The following SLC22A15 variants were observed in gnomAD, a reference collection of about 807,000 sequenced individuals.
The protein encoded by SLC22A15 is solute carrier family 22 member 15.
In SLC22A15, 45 loss-of-function variants were observed where a neutral mutation model predicts 62.7. That is an observed-to-expected ratio of 0.72 (90% CI 0.56 to 0.92). The LOEUF (loss-of-function observed/expected upper bound fraction) is 0.92. Among genes scored for constraint, SLC22A15 ranks in the 40% least tolerant of loss-of-function variants. SLC22A15 has a pLI of 0.00. For synonymous variants in SLC22A15, 264 were observed against 267.0 expected (o/e 0.99, Z 0.11); for missense variants, 622 against 665.6 (o/e 0.93, Z 0.72).
At position 116,020,791 on chromosome 1, in the gene SLC22A15, T is replaced by A; in HGVS notation, c.504T>A (p.Thr168=). The A allele has an allele frequency of 6.2e-7, 1 of 1,613,958 alleles. No homozygotes were observed. The highest frequency in any genetic ancestry group is 1.1e-5 in the South Asian group (1 of 91,084). The stretch of plus-strand genomic sequence containing the variant: ...CCTCATATGAGTTCTTTGCAGTAAC[T>A]CGCTTCCTGGTGGGCATGATGAATG... ...FSPSYEFFAV[T]RFLVGMMNGG... Residue 168 remains threonine, a synonymous_variant, in exon 4 of 12, where the codon ACT becomes ACA. Transcript: ENST00000369503.
intron 2 of SLC22A15, among the ~76,000 whole-genome samples, chr1:116,001,359 A>G (rs182542880): frequency 6.6e-6 from 1 of 152,122 alleles, no homozygotes; most frequent in African/African-American, 2.4e-5. Context: ...CTTGTACTTT[A>G]CTATTGATAT....
rs929356219 is a variant in SLC22A15 at position 116,067,544 on chromosome 1, C to T, written c.*436C>T. 1 of 157,874 alleles carries T rather than the reference C, an allele frequency of 6.3e-6. No individual in the cohort carries two copies. Among genetic ancestry groups the T allele is most frequent in the African/African-American group, 2.4e-5 (1 of 41,484 alleles). The allele number at this position is 157,874 out of a possible 1,614,324, so 9.8% of individuals were successfully genotyped here. A position where few individuals can be genotyped will look rare whatever the true frequency, so the allele number is the denominator to read the frequency against. Reference sequence around the variant, plus strand: ...ATCCTTATACCATGTTGGACATTTGCCCCTATCAGTTGCTCCTCAGGAATC... The same window carrying T: ...ATCCTTATACCATGTTGGACATTTGTCCCTATCAGTTGCTCCTCAGGAATC... On this transcript the variant is annotated 3_prime_UTR_variant, in exon 12 of 12. Transcript: ENST00000369503.
chr1:116,026,954 C>A lies in SLC22A15; in HGVS notation c.660C>A (p.Phe220Leu), dbSNP rs957268780. 6.2e-7 allele frequency: 1 copy of A among 1,613,824 alleles called. No homozygotes were observed. Among genetic ancestry groups the A allele is most frequent in the Admixed American group, 1.7e-5 (1 of 60,028 alleles). ...GIAQYALLGY[F>L]IRSWRTLAIL... ...CCCAATATGCCCTGTTAGGATACTT[C>A]ATCCGCTCCTGGAGGACCCTAGCCA... Residue 220 changes from phenylalanine (F) to leucine (L), a missense_variant, in exon 5 of 12, where the codon TTC (phenylalanine) becomes TTA (leucine). By Grantham distance (22) the Phe-to-Leu change is conservative. Transcript: ENST00000369503.
rs534414240 is a variant in SLC22A15, at chr1:116,039,080, A to G, written c.1171+1692A>G. Among the ~76,000 whole-genome samples the G allele has an allele frequency of 2.0e-4, 30 of 152,264 alleles. No homozygotes were observed. In the East Asian group the frequency reaches 2.3e-3, roughly 12 times the overall value. The stretch of plus-strand genomic sequence containing the variant: ...GCAAGTACCACTCTATTTAATTACA[A>G]TCTGTTTTAAGAGAGCAGCTTGGAC... On this transcript the variant is annotated intron_variant, in intron 8 of 11. Coordinates refer to ENST00000369503, the MANE Select transcript of SLC22A15 (RefSeq NM_018420.3).
chr1:116,032,501 A>G, intron 6 of SLC22A15: 11 of 985,386 alleles, frequency 1.1e-5, no homozygotes, highest in Non-Finnish European at 1.2e-5. Flanking sequence ...AAGTGATCTT[A>G]TGTATAAAGC....
In SLC22A15 at chr1:115,976,723, C is replaced by G; in HGVS notation, c.87+9C>G. ...TGGCCGTGCTGCTGCAGGTAAGTCC[C>G]CGCGGCCCCGCAGCCGCATTTCCCT... is the stretch of plus-strand genomic sequence containing the variant. On this transcript the variant is annotated intron_variant, in intron 1 of 11. Transcript: ENST00000369503. The G allele has an allele frequency of 6.3e-7, 1 of 1,575,406 alleles. No homozygotes were observed. The highest frequency in any genetic ancestry group is 8.6e-7 in the Non-Finnish European group (1 of 1,162,428).
intron 8 of SLC22A15, among the ~76,000 whole-genome samples, chr1:116,060,103 C>T (rs1488122164): frequency 2.0e-5 from 3 of 152,210 alleles, no homozygotes. Context: ...ATCCAGGGAA[C>T]CAGTCTAACG....
Position 116,020,753 on chromosome 1 carries a change from A to G in SLC22A15, c.466A>G (p.Asn156Asp), listed in dbSNP as rs1656785876. The G allele has an allele frequency of 3.7e-6, 6 of 1,612,670 alleles. No homozygotes were observed. Among genetic ancestry groups the G allele is most frequent in the Non-Finnish European group, 5.1e-6 (6 of 1,179,232 alleles). Residue 156 changes from asparagine (N) to aspartate (D), a missense_variant, in exon 4 of 12, where the codon AAT (asparagine) becomes GAT (aspartate). Transcript: ENST00000369503. Reference protein sequence around the residue: ...FALDILFAIANGFSPSYEFFA... With the variant: ...FALDILFAIADGFSPSYEFFA... ...TCTTGACATCTTATTTGCAATTGCA[A>G]ATGGATTTTCCCCCTCATATGAGTT...
chr1:116,030,817 T>C (rs1421222250), intron 5 of SLC22A15, among the ~76,000 whole-genome samples: 1 of 152,196 alleles, frequency 6.6e-6, no homozygotes, highest in Non-Finnish European at 1.5e-5. Context: ...GGTTTCATCT[T>C]TATGTGTAGT....
Position 116,027,041 on chromosome 1 carries a change from T to A in SLC22A15, c.728+19T>A. On this transcript the variant is annotated intron_variant, in intron 5 of 11. Coordinates refer to ENST00000369503, the MANE Select transcript of SLC22A15 (RefSeq NM_018420.3). Reference sequence around the variant, plus strand: ...TATCTTTGTAAGTAGTTTTTCCTCTTAGAGTTTTAATTTAAAAAGCCAAAG... The same window carrying A: ...TATCTTTGTAAGTAGTTTTTCCTCTAAGAGTTTTAATTTAAAAAGCCAAAG... 1 of 1,610,914 alleles carries A rather than the reference T, an allele frequency of 6.2e-7. No homozygotes were observed. The highest frequency in any genetic ancestry group is 8.5e-7 in the Non-Finnish European group (1 of 1,178,328).
At chr1:116,014,049 A>G (rs1304261743) in intron 2 of SLC22A15, 1 of 152,230 alleles carries the variant, frequency 6.6e-6, no homozygotes, top group Non-Finnish European at 1.5e-5. Context: ...CCAGTACTTT[A>G]TCCCTTATCA....
At chr1:116,032,032 G>A in intron 6 of SLC22A15, 1 of 1,029,866 alleles carries the variant, frequency 9.7e-7, no homozygotes, top group East Asian at 9.3e-5. Context: ...ATTTTCTGTG[G>A]CACTCCCACT....
chr1:116,011,052 A>G (rs979730024), intron 2 of SLC22A15, among the ~76,000 whole-genome samples: 2 of 152,142 alleles, frequency 1.3e-5, no homozygotes, highest in Non-Finnish European at 2.9e-5. Context: ...CTCCTTTCAG[A>G]GAAGGCTGTG....
intron 2 of SLC22A15, among the ~76,000 whole-genome samples, chr1:116,009,074 G>A (rs1234596232): frequency 2.0e-5 from 3 of 152,122 alleles, no homozygotes; most frequent in African/African-American, 7.2e-5. Context: ...GAATTAAATA[G>A]AATGAACAAT....
chr1:116,064,346 A>G (rs1658447699), intron 9 of SLC22A15, 90 bp from the exon 10 acceptor site: 2 of 850,700 alleles, frequency 2.4e-6, no homozygotes, highest in East Asian at 2.5e-5. Flanking sequence ...CCACTTCAGG[A>G]CATGTTATTC....
intron 10 of SLC22A15, among the ~76,000 whole-genome samples, chr1:116,066,145 A>C (rs1658491487): frequency 6.6e-6 from 1 of 152,216 alleles, no homozygotes; most frequent in Non-Finnish European, 1.5e-5. Context: ...GCCTCTGTGC[A>C]AAGTGTGCTC....
chr1:116,055,849 TCAA>T (rs1658192480), intron 8 of SLC22A15, among the ~76,000 whole-genome samples: 1 of 147,350 alleles, frequency 6.8e-6, no homozygotes, highest in Non-Finnish European at 1.5e-5. Flanking sequence ...TTGACAAAAT[TCAA>T]CAACACTTCA....
chr1:116,040,313 A>T (rs963173737), intron 8 of SLC22A15, among the ~76,000 whole-genome samples: 5 of 152,158 alleles, frequency 3.3e-5, no homozygotes, highest in African/African-American at 9.7e-5. Context: ...GTGGCCACTA[A>T]TGTTTTTCCC....
At chr1:116,032,370 T>C in intron 6 of SLC22A15, 7 of 985,444 alleles carry the variant, frequency 7.1e-6, no homozygotes, top group Non-Finnish European at 8.4e-6. Flanking sequence ...AAGTGTTATC[T>C]GGGCAAAATC....
Sources: allele counts gnomAD v4.1 joint callset (sites outside exome capture counted in the v4.1 genomes callset), GRCh38; gene constraint gnomAD v4.1.1; transcripts MANE v1.5; gene names NCBI Gene and HGNC (gene_info 2026-07-23, HGNC 2026-07-21).